Variants in BCL6B observed in about 807,000 individuals in gnomAD.
BCL6B encodes the protein BCL6B transcription repressor.
Under a neutral mutation model 44.6 loss-of-function variants are expected in BCL6B, and 28 were observed. The ratio of observed to expected loss-of-function variants is 0.63; its 90% CI spans 0.47 to 0.86. BCL6B has a LOEUF of 0.86. Ranked by LOEUF, BCL6B falls within the 40% of genes least tolerant of loss-of-function variation. The pLI is 0.00. For missense variants in BCL6B, 626 were observed against 652.3 expected, an observed-to-expected ratio of 0.96 and a Z score of 0.44; for synonymous variants, 268 against 263.6, an observed-to-expected ratio of 1.02 and a Z score of -0.16.
rs146311225 is a variant in BCL6B at position 7,023,429 on chromosome 17, G to A, written c.-12-231G>A. ...TCCCCACGCTCGCCAACGACGCCGC[G>A]GTGTGGAACCTTCAACTGGCTCCAA... On this transcript the variant is annotated intron_variant, in intron 1 of 8. Coordinates refer to ENST00000293805, the MANE Select transcript of BCL6B (RefSeq NM_181844.4). 782 of 514,258 alleles carry A rather than the reference G, an allele frequency of 1.5e-3. 5 individuals carry two copies. Among genetic ancestry groups the A allele is most frequent in the African/African-American group, 0.013 (681 of 51,200 alleles). 31.9% of individuals were successfully genotyped at this position (514,258 alleles called of 1,614,324 possible).
chr17:7,026,688 A>C lies in BCL6B; in HGVS notation c.1055-17A>C. 6.2e-7 allele frequency: 1 copy of C among 1,614,222 alleles called. No individual in the cohort carries two copies. Among genetic ancestry groups the C allele is most frequent in the Non-Finnish European group, 8.5e-7 (1 of 1,180,040 alleles). On this transcript the variant is annotated splice_polypyrimidine_tract_variant and intron_variant, in intron 6 of 8. Coordinates refer to ENST00000293805, the MANE Select transcript of BCL6B (RefSeq NM_181844.4). ...CCTAGGGCAAAGTCCCTGATCTCCC[A>C]TGTTCTCTGCCTCCAGGGGAAAAGC...
At position 7,027,880 on chromosome 17, in the gene BCL6B, G is replaced by A. The variant is rs555844246; in HGVS notation, c.*261G>A. ...GCTAGCTAGGGGCTGGGAAAGGGGA[G>A]AGATTGGAGTCCTGGTCTCCCTAAG... On this transcript the variant is annotated 3_prime_UTR_variant, in exon 9 of 9. Coordinates refer to ENST00000293805, the MANE Select transcript of BCL6B (RefSeq NM_181844.4). The A allele has an allele frequency of 1.4e-5, 19 of 1,351,358 alleles. No homozygotes were observed. The highest frequency in any genetic ancestry group is 2.9e-4 in the Middle Eastern group (1 of 3,474). 83.7% of individuals were successfully genotyped at this position (1,351,358 alleles called of 1,614,324 possible).
chr17:7,026,191 A>G (rs1910282581), intron 5 of BCL6B, among the ~76,000 whole-genome samples: 1 of 152,126 alleles, frequency 6.6e-6, no homozygotes, highest in African/African-American at 2.4e-5. Flanking sequence ...AAGTGCTGGG[A>G]TTACAGTCGT....
At chr17:7,023,934 C>G (rs1368413138) in intron 2 of BCL6B, 84 bp downstream of exon 2, 18 of 1,552,918 alleles carry the variant, frequency 1.2e-5, no homozygotes, top group Non-Finnish European at 1.4e-5. Context: ...GAAGCCAAGT[C>G]TTTCAGAAGC....
Position 7,028,875 on chromosome 17 carries a change from T to C in BCL6B, c.*1256T>C, listed in dbSNP as rs974116303. The C allele has an allele frequency of 1.0e-6, 1 of 985,314 alleles. No individual in the cohort carries two copies. Among genetic ancestry groups the C allele is most frequent in the African/African-American group, 1.7e-5 (1 of 57,236 alleles). 61.0% of individuals were successfully genotyped at this position (985,314 alleles called of 1,614,324 possible). On this transcript the variant is annotated 3_prime_UTR_variant, in exon 9 of 9. Transcript: ENST00000293805. ...CTATTGAGTTGAGCCCCTTCTTCCT[T>C]TAGTGGGTTTTGGACATCTTCTGGC...
At position 7,024,397 on chromosome 17, in the gene BCL6B, C is replaced by G. The variant is rs752951328; in HGVS notation, c.402-4C>G. The stretch of plus-strand genomic sequence containing the variant: ...GGCACTAACGTTCATCACACTTTCC[C>G]CAGCTATGAACCTCTGGGCATCTCC... On this transcript the variant is annotated splice_region_variant and splice_polypyrimidine_tract_variant and intron_variant, in intron 3 of 8. Transcript: ENST00000293805. The surrounding 1 kb of genome is among the most constrained non-coding windows in gnomAD (Gnocchi z 6.6). The G allele has an allele frequency of 4.3e-6, 7 of 1,612,478 alleles. No homozygotes were observed. The highest frequency in any genetic ancestry group is 5.1e-6 in the Non-Finnish European group (6 of 1,179,034).
chr17:7,025,005 A>C, intron 4 of BCL6B, 71 bp from the exon 5 acceptor site: 1 of 1,565,566 alleles, frequency 6.4e-7, no homozygotes, highest in Non-Finnish European at 8.7e-7. Flanking sequence ...TTGGCTCCAA[A>C]TTTCCCAGGA....
chr17:7,027,051 C>T lies in BCL6B; in HGVS notation c.1287C>T (p.Ser429=), dbSNP rs1910316506. ...TCCGCCACCTGCAGACCCTCAAGAG[C>T]CACGTTCGCATCCACACCGGAGAGA... ...TRFRHLQTLK[S]HVRIHTGEKP... is the part of the protein sequence containing the mutation. Residue 429 remains serine (S), a synonymous_variant, in exon 8 of 9, where the codon AGC becomes AGT. Transcript: ENST00000293805. 2 of 1,613,788 alleles carry T rather than the reference C, an allele frequency of 1.2e-6. No homozygotes were observed. Among genetic ancestry groups the T allele is most frequent in the South Asian group, 1.1e-5 (1 of 91,088 alleles).
Position 7,027,844 on chromosome 17 carries a change from C to T in BCL6B, c.*225C>T. On this transcript the variant is annotated 3_prime_UTR_variant, in exon 9 of 9. Transcript: ENST00000293805. ...CTCTTCCCCACAAGCCAGATTGTTT[C>T]TGAGGAGAGAGCTAGCTAGGGGCTG... 2 of 1,404,510 alleles carry T rather than the reference C, an allele frequency of 1.4e-6. No homozygotes were observed. Among genetic ancestry groups the T allele is most frequent in the Non-Finnish European group, 1.8e-6 (2 of 1,081,394 alleles). The allele number at this position is 1,404,510 out of a possible 1,614,324, so 87.0% of individuals were successfully genotyped here.
intron 5 of BCL6B, among the ~76,000 whole-genome samples, 199 bp from the exon 6 acceptor site, chr17:7,026,258 C>A (rs899088351): frequency 6.6e-6 from 1 of 152,134 alleles, no homozygotes; most frequent in East Asian, 1.9e-4. Flanking sequence ...GCTGAGTACT[C>A]GAGTCAGACA....
rs764920860 is a variant in BCL6B at position 7,025,123 on chromosome 17, C to G, written c.812C>G (p.Ala271Gly). Residue 271 changes from alanine to glycine, a missense_variant, in exon 5 of 9, where the codon GCC becomes GGC. Transcript: ENST00000293805. Reference sequence around the variant, plus strand: ...GTGCAGTTCAAATGTGGGGCTCCAGCCAGTACCCCCTACCTCCTCACATCC... The same window carrying G: ...GTGCAGTTCAAATGTGGGGCTCCAGGCAGTACCCCCTACCTCCTCACATCC... ...ATVQFKCGAP[A>G]STPYLLTSQA... The G allele has an allele frequency of 1.2e-6, 2 of 1,614,106 alleles. No homozygotes were observed. The highest frequency in any genetic ancestry group is 2.2e-5 in the East Asian group (1 of 44,872).
In BCL6B at chr17:7,029,447, C is replaced by T; in HGVS notation, c.*1828C>T. ...CGCCTGGGGACTAGTGAGAAAGCTA[C>T]TCTTCTCCCTCTTCCCTCTTTCTCC... On this transcript the variant is annotated 3_prime_UTR_variant, in exon 9 of 9. Coordinates refer to ENST00000293805, the MANE Select transcript of BCL6B (RefSeq NM_181844.4). The T allele has an allele frequency of 9.7e-7, 1 of 1,032,434 alleles. No homozygotes were observed. The highest frequency in any genetic ancestry group is 3.2e-5 in the South Asian group (1 of 31,048). The allele number at this position is 1,032,434 out of a possible 1,614,324, so 64.0% of individuals were successfully genotyped here.
rs775578166 is a variant in BCL6B at position 7,026,440 on chromosome 17, C to T, written c.890-17C>T. The T allele has an allele frequency of 6.4e-5, 104 of 1,613,206 alleles. No individual in the cohort carries two copies. The highest frequency in any genetic ancestry group is 8.6e-5 in the Non-Finnish European group (101 of 1,179,390). ...TCATTAATAACTATGGTTGCCGTCA[C>T]CCATTCCCCTTCCCAGGAAGTGAAT... is the stretch of plus-strand genomic sequence containing the variant. On this transcript the variant is annotated splice_polypyrimidine_tract_variant and intron_variant, in intron 5 of 8. Transcript: ENST00000293805.
At chr17:7,023,490 G>A (rs1910184390) in intron 1 of BCL6B, 170 bp from the exon 2 acceptor site, 3 of 639,830 alleles carry the variant, frequency 4.7e-6, no homozygotes, top group South Asian at 4.1e-5. Flanking sequence ...GGGAGCGAGG[G>A]TGTCGTAGAG....
rs1381524122 is a variant in BCL6B, at chr17:7,024,125, G to A, written c.222G>A (p.Gly74=). 1.9e-6 allele frequency: 3 copies of A among 1,613,894 alleles called. No homozygotes were observed. The highest frequency in any genetic ancestry group is 1.1e-5 in the South Asian group (1 of 91,084). The change falls in exon 3 of 9, where the codon GGG becomes GGA. Residue 74 remains glycine (G), a synonymous_variant. Coordinates refer to ENST00000293805, the MANE Select transcript of BCL6B (RefSeq NM_181844.4). This position sits in a 1 kb window ranked among gnomAD's most constrained non-coding sequence, Gnocchi z 6.6. ...YSIFRGRAGV[G]VDVLSLPGGP... ...TTTTCCGGGGCCGTGCGGGAGTCGG[G>A]GTGGACGTGCTCTCTCTGCCCGGGG...
intron 6 of BCL6B, 22 bp from the exon 7 acceptor site, chr17:7,026,683 C>A: frequency 6.2e-7 from 1 of 1,614,240 alleles, no homozygotes; most frequent in Non-Finnish European, 8.5e-7. Context: ...AGTCCCTGAT[C>A]TCCCATGTTC....
chr17:7,027,163 G>A lies in BCL6B; in HGVS notation c.1323+76G>A, dbSNP rs189158063. On this transcript the variant is annotated intron_variant, in intron 8 of 8. Coordinates refer to ENST00000293805, the MANE Select transcript of BCL6B (RefSeq NM_181844.4). ...CCTAGGGGTGGGCTCTGAGAGGTGC[G>A]GGCCTGGCTGTCCCTAGATCTCTTA... 5.1e-4 allele frequency: 800 copies of A among 1,560,692 alleles called. 10 individuals carry two copies. In the East Asian group the frequency reaches 0.014, roughly 28 times the overall value.
chr17:7,023,678 TC>T lies in BCL6B; in HGVS notation c.12del (p.Ala5ProfsTer108). Reference sequence around the variant, plus strand: ...TCTACAGGCCTGTGTCGCTATGGGTTCCCCCGCCGCCCCGGAGGGAGCGCTG... The same window carrying T: ...TCTACAGGCCTGTGTCGCTATGGGTTCCCCGCCGCCCCGGAGGGAGCGCTG... Reference protein sequence around the residue: MGSPAAPEGALGY... With the variant: MGXPAAPEGALGY... On this transcript the variant is annotated frameshift_variant, in exon 2 of 9. Transcript: ENST00000293805. LOFTEE classifies it high-confidence loss of function. 2 of 1,611,950 alleles carry T rather than the reference TC, an allele frequency of 1.2e-6. No individual in the cohort carries two copies. Among genetic ancestry groups the T allele is most frequent in the Non-Finnish European group, 1.7e-6 (2 of 1,179,520 alleles).
intron 1 of BCL6B, among the ~76,000 whole-genome samples, chr17:7,023,304 T>C (rs996237324): frequency 3.3e-5 from 5 of 151,942 alleles, no homozygotes; most frequent in Admixed American, 1.3e-4. Flanking sequence ...GGCCGTGAGA[T>C]CTCGAGGCAG....
Sources: gnomAD v4.1 joint callset for allele counts (sites outside exome capture counted in the v4.1 genomes callset) on GRCh38, gnomAD v4.1.1 for gene constraint, Gnocchi (gnomAD v3.1) non-coding constraint, MANE v1.5 for transcripts, NCBI Gene and HGNC (gene_info 2026-07-23, HGNC 2026-07-21) for gene names.